The following SPATC1 variants were observed in gnomAD, a reference collection of about 807,000 sequenced individuals.
SPATC1 encodes the protein speriolin.
In SPATC1, 35 loss-of-function variants were observed where a neutral mutation model predicts 36.5. The observed-to-expected ratio is 0.96, with a 90% CI of 0.73 to 1.27. The LOEUF is 1.27. Ranked by LOEUF, SPATC1 falls within the 50% of genes most tolerant of loss-of-function variation. The pLI, the probability that SPATC1 is intolerant of heterozygous loss-of-function variation, is 0.00. For missense variants in SPATC1, 779 were observed against 796.0 expected (o/e 0.98, Z 0.26); for synonymous variants, 361 against 353.6 (o/e 1.02, Z -0.24).
chr8:144,037,785 A>G (rs1466093995), intron 1 of SPATC1, among the ~76,000 whole-genome samples: 2 of 151,802 alleles, frequency 1.3e-5, no homozygotes, highest in East Asian at 3.9e-4. Flanking sequence ...TCTGCGAGAA[A>G]CACCCAAGAA....
At position 144,012,581 on chromosome 8, in the gene SPATC1, G is replaced by T; in HGVS notation, c.66G>T (p.Glu22Asp). Residue 22 changes from glutamate (E) to aspartate (D), a missense_variant, in exon 1 of 5, where the codon GAG becomes GAT. By Grantham distance (45) the Glu-to-Asp change is conservative. Coordinates refer to ENST00000377470, the MANE Select transcript of SPATC1 (RefSeq NM_198572.3). The stretch of plus-strand genomic sequence containing the variant: ...TAGAGAGGCTGGTGCGGGAAAATGA[G>T]GAACTGAAGAAGTTGGTGCGGCTCA... The part of the protein sequence containing the change: ...HQIERLVREN[E>D]ELKKLVRLIR... The T allele has an allele frequency of 6.4e-7, 1 of 1,551,752 alleles. No homozygotes were observed. The highest frequency in any genetic ancestry group is 8.7e-7 in the Non-Finnish European group (1 of 1,147,006).
chr8:144,046,659 T>G lies in SPATC1; in HGVS notation c.1479T>G (p.Asp493Glu). Residue 493 changes from aspartate (D) to glutamate (E), a missense_variant, in exon 5 of 5, where the codon GAT becomes GAG. Asp to Glu is a conservative substitution (Grantham distance 45). Coordinates refer to ENST00000377470, the MANE Select transcript of SPATC1 (RefSeq NM_198572.3). The surrounding 1 kb of genome is among the most constrained non-coding windows in gnomAD (Gnocchi z 6.6). ...TGAACCCCAGTGACCACAAGCTGGA[T>G]GAGAAGCTGTGCCAGAGGCTCACAC... The part of the protein sequence containing the change: ...ASLNPSDHKL[D>E]EKLCQRLTQR... 1 of 1,611,304 alleles carries G rather than the reference T, an allele frequency of 6.2e-7. No individual in the cohort carries two copies. The highest frequency in any genetic ancestry group is 8.5e-7 in the Non-Finnish European group (1 of 1,179,750).
intron 1 of SPATC1, among the ~76,000 whole-genome samples, chr8:144,017,855 A>G (rs1213681615): frequency 6.6e-6 from 1 of 152,194 alleles, no homozygotes; most frequent in Non-Finnish European, 1.5e-5. Context: ...GTTTTGGAGC[A>G]AGAAAATGAG....
chr8:144,038,408 G>A (rs1834971789), intron 1 of SPATC1, among the ~76,000 whole-genome samples: 1 of 149,630 alleles, frequency 6.7e-6, no homozygotes, highest in African/African-American at 2.5e-5. Flanking sequence ...ACTCCAGCCT[G>A]GGCAACAGAG....
intron 4 of SPATC1, chr8:144,042,035 C>T (rs1835116057): frequency 3.1e-6 from 3 of 982,602 alleles, no homozygotes; most frequent in Admixed American, 1.2e-4. Flanking sequence ...TGAGCCATTA[C>T]ACTCCAGCCT....
In SPATC1 at chr8:144,012,610, G is replaced by A. The variant is rs1554752619; in HGVS notation, c.95G>A (p.Arg32Gln). 4.5e-6 allele frequency: 7 copies of A among 1,551,630 alleles called. No individual in the cohort carries two copies. The highest frequency in any genetic ancestry group is 2.0e-5 in the Admixed American group (1 of 50,994). Residue 32 changes from arginine to glutamine, a missense_variant, in exon 1 of 5, where the codon CGG (arginine) becomes CAG (glutamine). Transcript: ENST00000377470. Reference protein sequence around the residue: ...EELKKLVRLIRENHELKSAIK... With the variant: ...EELKKLVRLIQENHELKSAIK... ...CTGAAGAAGTTGGTGCGGCTCATTC[G>A]GGAGAATCACGAGCTCAAGTCAGCG...
chr8:144,037,069 C>T (rs1358731138), intron 1 of SPATC1, among the ~76,000 whole-genome samples: 1 of 146,554 alleles, frequency 6.8e-6, no homozygotes, highest in African/African-American at 2.5e-5. Flanking sequence ...AGGGGCTCCT[C>T]ACTTCCCAGT....
chr8:144,033,404 A>C (rs1026653452), intron 1 of SPATC1, among the ~76,000 whole-genome samples: 5,275 of 152,248 alleles, frequency 0.035, 329 homozygotes, highest in African/African-American at 0.12. Context: ...CGTCTCAAAA[A>C]AAAAAAAAGA....
Position 144,013,903 on chromosome 8 carries a change from C to T in SPATC1, c.211+1177C>T, listed in dbSNP as rs577317318. ...CCTGAGAGGTGGAGTTTGCAGTGAG[C>T]CAAGATCACACCACTGCACTCCAGC... On this transcript the variant is annotated intron_variant, in intron 1 of 4. Coordinates refer to ENST00000377470, the MANE Select transcript of SPATC1 (RefSeq NM_198572.3). Among the ~76,000 whole-genome samples, 5 of 152,226 alleles carry T rather than the reference C, an allele frequency of 3.3e-5. No homozygotes were observed. In the East Asian group the frequency reaches 9.7e-4, roughly 29 times the overall value.
rs1465475348 is a variant in SPATC1 at position 144,016,047 on chromosome 8, CT to C, written c.211+3325del. 7.5e-6 allele frequency among the ~76,000 whole-genome samples: 1 copy of C among 133,438 alleles called. No individual in the cohort carries two copies. The highest frequency in any genetic ancestry group is 1.6e-5 in the Non-Finnish European group (1 of 64,346). The allele number at this position is 133,438 out of a possible 152,430, so 87.5% of individuals were successfully genotyped here. A position where few individuals can be genotyped will look rare whatever the true frequency, so the allele number is the denominator to read the frequency against. On this transcript the variant is annotated intron_variant, in intron 1 of 4. Transcript: ENST00000377470. The surrounding 1 kb of genome is among the most constrained non-coding windows in gnomAD (Gnocchi z 4.5). ...ACTGCACTCCAGCCTGGGCTGGAGACTTTTGAGACTCTGTCTCAAAAAAAAA... is the reference window on the plus strand; with the variant it reads ...ACTGCACTCCAGCCTGGGCTGGAGACTTTGAGACTCTGTCTCAAAAAAAAA...
intron 1 of SPATC1, among the ~76,000 whole-genome samples, chr8:144,015,269 T>A (rs1226268529): frequency 6.6e-6 from 1 of 151,566 alleles, no homozygotes; most frequent in Non-Finnish European, 1.5e-5. Context: ...CACACTGGTC[T>A]CAAACTTCTG....
Position 144,016,437 on chromosome 8 carries a change from G to A in SPATC1, c.211+3711G>A, listed in dbSNP as rs1265155980. Reference sequence around the variant, plus strand: ...TGTGGGTGTTTGTATTTTGGCGTATGTCTGATTGTGTGAGTGTATATGGTG... The same window carrying A: ...TGTGGGTGTTTGTATTTTGGCGTATATCTGATTGTGTGAGTGTATATGGTG... On this transcript the variant is annotated intron_variant, in intron 1 of 4. Transcript: ENST00000377470. The surrounding 1 kb of genome is among the most constrained non-coding windows in gnomAD (Gnocchi z 4.5). Among the ~76,000 whole-genome samples the A allele has an allele frequency of 2.0e-5, 3 of 151,862 alleles. No homozygotes were observed. Among genetic ancestry groups the A allele is most frequent in the Non-Finnish European group, 4.4e-5 (3 of 67,966 alleles).
rs377586302 is a variant in SPATC1, at chr8:144,040,065, C to T, written c.368C>T (p.Thr123Met). Residue 123 changes from threonine (T) to methionine (M), a missense_variant, in exon 2 of 5, where the codon ACG becomes ATG. Physicochemically the swap from Thr to Met is moderately conservative, Grantham distance 81. Coordinates refer to ENST00000377470, the MANE Select transcript of SPATC1 (RefSeq NM_198572.3). ...AGCCCCCTGACAGGCACCCTCAGCA[C>T]GCTGCTGTCTGGCCCAGCACCCACG... Reference protein sequence around the residue: ...LMSPLTGTLSTLLSGPAPTSQ... With the variant: ...LMSPLTGTLSMLLSGPAPTSQ... 6.8e-5 allele frequency: 109 copies of T among 1,613,174 alleles called. 2 individuals are homozygous for T. The highest frequency in any genetic ancestry group is 5.8e-4 in the East Asian group (26 of 44,880).
intron 4 of SPATC1, 106 bp downstream of exon 4, chr8:144,041,477 C>T: frequency 7.0e-7 from 1 of 1,423,278 alleles, no homozygotes; most frequent in Non-Finnish European, 9.5e-7. Flanking sequence ...CTGAGGAGTC[C>T]CTGGGATAGA....
intron 1 of SPATC1, among the ~76,000 whole-genome samples, chr8:144,022,512 G>C (rs1834555092): frequency 4.3e-5 from 1 of 23,080 alleles, no homozygotes. Flanking sequence ...TCCCCCCTCA[G>C]GAAGCTCTTC....
chr8:144,044,468 AT>A (rs541301271), intron 4 of SPATC1, among the ~76,000 whole-genome samples: 2,385 of 139,628 alleles, frequency 0.017, 61 homozygotes, highest in African/African-American at 0.055. Flanking sequence ...CGCCCAGCTA[AT>A]TTTTTTTTTT....
chr8:144,046,507 A>C lies in SPATC1; in HGVS notation c.1447-120A>C, dbSNP rs994788295. On this transcript the variant is annotated intron_variant, in intron 4 of 4. Transcript: ENST00000377470. The surrounding 1 kb of genome is among the most constrained non-coding windows in gnomAD (Gnocchi z 6.6). Reference sequence around the variant, plus strand: ...TTGAGGTCTGTCGCAGAACCTCCCCACCGCACACCCCTCGGATCCTGGCCA... The same window carrying C: ...TTGAGGTCTGTCGCAGAACCTCCCCCCCGCACACCCCTCGGATCCTGGCCA... 2 of 925,058 alleles carry C rather than the reference A, an allele frequency of 2.2e-6. No homozygotes were observed. Among genetic ancestry groups the C allele is most frequent in the African/African-American group, 3.3e-5 (2 of 60,398 alleles). The allele number at this position is 925,058 out of a possible 1,614,324, so 57.3% of individuals were successfully genotyped here.
chr8:144,029,860 T>C (rs1333585553), intron 1 of SPATC1, among the ~76,000 whole-genome samples: 2 of 152,228 alleles, frequency 1.3e-5, no homozygotes, highest in African/African-American at 2.4e-5. Context: ...ATATCCTTAC[T>C]GATCTTCTGT....
At chr8:144,020,902 CTT>C (rs1834509662) in intron 1 of SPATC1, among the ~76,000 whole-genome samples, 3 of 151,500 alleles carry the variant, frequency 2.0e-5, no homozygotes, top group African/African-American at 4.9e-5. Context: ...TCAGGACCCT[CTT>C]CCCTCAGGAC....
Sources: gnomAD v4.1 joint callset for allele counts (sites outside exome capture counted in the v4.1 genomes callset) on GRCh38, gnomAD v4.1.1 for gene constraint, Gnocchi (gnomAD v3.1) non-coding constraint, MANE v1.5 for transcripts, NCBI Gene and HGNC (gene_info 2026-07-23, HGNC 2026-07-21) for gene names.